FANCC: variants seen among roughly 807,000 people sequenced by gnomAD.
FANCC encodes the protein Fanconi anemia group C protein.
In FANCC, 55 loss-of-function variants were observed where a neutral mutation model predicts 71.3. The ratio of observed to expected loss-of-function variants is 0.77; its 90% CI spans 0.62 to 0.97. The LOEUF is 0.97. Ranked by LOEUF, FANCC falls within the 50% of genes least tolerant of loss-of-function variation. The pLI is 0.00. For synonymous variants in FANCC, 275 were observed against 244.9 expected (o/e 1.12, Z -1.15); for missense variants, 678 against 670.9 (o/e 1.01, Z -0.12).
chr9:95,257,355 T>C (rs1831727934), intron 1 of FANCC, among the ~76,000 whole-genome samples: 1 of 152,090 alleles, frequency 6.6e-6, no homozygotes, highest in South Asian at 2.1e-4. Flanking sequence ...TGCAATCAAA[T>C]TAGAACTCAG....
chr9:95,129,966 C>G (rs796139543), intron 8 of FANCC, among the ~76,000 whole-genome samples: 1 of 152,314 alleles, frequency 6.6e-6, no homozygotes, highest in African/African-American at 2.4e-5. Context: ...ATCTCCCCTC[C>G]ACCTAGAAAG....
At chr9:95,163,932 CTTAT>C (rs902037881) in intron 6 of FANCC, among the ~76,000 whole-genome samples, 3 of 152,202 alleles carry the variant, frequency 2.0e-5, no homozygotes, top group Admixed American at 6.5e-5. Flanking sequence ...TTATTTATGT[CTTAT>C]TTAATTTCTT....
chr9:95,141,215 G>C lies in FANCC; in HGVS notation c.687-5713C>G, dbSNP rs185270913. 2.5e-3 allele frequency among the ~76,000 whole-genome samples: 363 copies of C among 147,656 alleles called. 2 individuals carry two copies. Among genetic ancestry groups the C allele is most frequent in the Non-Finnish European group, 4.4e-3 (295 of 67,326 alleles). ...TAGTCCCAGCCACTCGGGAGGCTGA[G>C]GTCAAAGAATCACCTGAGCCTGGGA... On this transcript the variant is annotated intron_variant, in intron 7 of 14. Coordinates refer to ENST00000289081, the MANE Select transcript of FANCC (RefSeq NM_000136.3).
intron 8 of FANCC, among the ~76,000 whole-genome samples, chr9:95,128,146 C>G (rs558851193): frequency 5.3e-5 from 8 of 152,232 alleles, no homozygotes; most frequent in Admixed American, 4.6e-4. Context: ...CCCAGTCTCA[C>G]TGTAAATAAT....
At chr9:95,191,581 T>A (rs1440852397) in intron 4 of FANCC, among the ~76,000 whole-genome samples, 1 of 152,050 alleles carries the variant, frequency 6.6e-6, no homozygotes, top group East Asian at 1.9e-4. Context: ...TATATGCAAC[T>A]AGCTTGCCTG....
At chr9:95,224,337 A>G (rs1244706782) in intron 4 of FANCC, among the ~76,000 whole-genome samples, 1 of 152,138 alleles carries the variant, frequency 6.6e-6, no homozygotes, top group Non-Finnish European at 1.5e-5. Context: ...TCTAGGCCCA[A>G]CATGGTCTGC....
intron 4 of FANCC, among the ~76,000 whole-genome samples, chr9:95,192,664 T>C (rs1295049398): frequency 6.6e-6 from 1 of 152,232 alleles, no homozygotes; most frequent in Non-Finnish European, 1.5e-5. Flanking sequence ...ATTACTATTA[T>C]TGAAGCAACA....
At chr9:95,207,931 T>A (rs1828237399) in intron 4 of FANCC, among the ~76,000 whole-genome samples, 1 of 152,038 alleles carries the variant, frequency 6.6e-6, no homozygotes. Flanking sequence ...CAGACTAGAC[T>A]ACATTCAGGA....
Position 95,101,897 on chromosome 9 carries a change from A to G in FANCC, c.1534-47T>C, listed in dbSNP as rs1245206828. ...AGGCAAATTAAAACACTTTCCAGAC[A>G]GATTTGTCCTTTGTCCAGGGACGGA... On this transcript the variant is annotated intron_variant, in intron 14 of 14. Coordinates refer to ENST00000289081, the MANE Select transcript of FANCC (RefSeq NM_000136.3). The G allele has an allele frequency of 5.0e-6, 8 of 1,611,254 alleles. No individual in the cohort carries two copies. In the African/African-American group the frequency reaches 6.7e-5, roughly 13 times the overall value.
At chr9:95,232,744 G>A (rs1830084928) in intron 4 of FANCC, among the ~76,000 whole-genome samples, 1 of 152,158 alleles carries the variant, frequency 6.6e-6, no homozygotes, top group African/African-American at 2.4e-5. Flanking sequence ...ACTTGATCCA[G>A]GGTCCACACA....
rs1194395223 is a variant in FANCC at position 95,171,953 on chromosome 9, G to A, written c.456+84C>T. On this transcript the variant is annotated intron_variant, in intron 5 of 14. Transcript: ENST00000289081. ...GAAAAGTTAAACATCTCTTCTGGAG[G>A]ACTGAAATATTTCCATTTACTCTTT... The A allele has an allele frequency of 3.5e-6, 3 of 848,870 alleles. No homozygotes were observed. The African/African-American group carries it at 5.1e-5, about 14-fold the overall frequency. The allele number at this position is 848,870 out of a possible 1,614,324, so 52.6% of individuals were successfully genotyped here. A position where few individuals can be genotyped will look rare whatever the true frequency, so the allele number is the denominator to read the frequency against.
chr9:95,149,604 T>TA (rs746224650), intron 7 of FANCC, among the ~76,000 whole-genome samples: 5 of 151,624 alleles, frequency 3.3e-5, no homozygotes, highest in Non-Finnish European at 5.9e-5. Flanking sequence ...TCAGCCCCCC[T>TA]AGTAGCTGGG....
At chr9:95,230,529 TA>T (rs1479132066) in intron 4 of FANCC, among the ~76,000 whole-genome samples, 2 of 152,166 alleles carry the variant, frequency 1.3e-5, no homozygotes, top group Non-Finnish European at 2.9e-5. Context: ...TTACAGTTCT[TA>T]AAGATGGTGT....
At chr9:95,135,889 G>A (rs952335735) in intron 7 of FANCC, among the ~76,000 whole-genome samples, 4 of 152,150 alleles carry the variant, frequency 2.6e-5, no homozygotes, top group Admixed American at 1.3e-4. Flanking sequence ...ATAGGGATGC[G>A]GACCTGGGTT....
At chr9:95,161,927 C>T (rs539336178) in intron 6 of FANCC, among the ~76,000 whole-genome samples, 18 of 151,872 alleles carry the variant, frequency 1.2e-4, no homozygotes, top group Admixed American at 9.2e-4. Flanking sequence ...CTGCAACCTC[C>T]GCTTCCCAGG....
chr9:95,255,026 G>A (rs974831307), intron 1 of FANCC, among the ~76,000 whole-genome samples: 5 of 152,150 alleles, frequency 3.3e-5, no homozygotes, highest in Non-Finnish European at 7.4e-5. Context: ...TCTGGGCTGG[G>A]CATCTCTGAA....
At chr9:95,310,154 G>A (rs1407780024) in intron 1 of FANCC, among the ~76,000 whole-genome samples, 1 of 152,056 alleles carries the variant, frequency 6.6e-6, no homozygotes, top group Non-Finnish European at 1.5e-5. Flanking sequence ...CTTGAGGCTG[G>A]GAGTTCAAGA....
chr9:95,106,969 A>G, intron 14 of FANCC, 97 bp downstream of exon 14: 2 of 1,187,996 alleles, frequency 1.7e-6, no homozygotes, highest in Admixed American at 1.9e-5. Flanking sequence ...GCATCCTGGT[A>G]CACACACTGT....
At chr9:95,223,914 T>G (rs1044862411) in intron 4 of FANCC, among the ~76,000 whole-genome samples, 2 of 152,050 alleles carry the variant, frequency 1.3e-5, no homozygotes, top group African/African-American at 4.8e-5. Flanking sequence ...GAGGCAGAAG[T>G]GGTGGTGAGC....
Sources: gnomAD v4.1 joint callset for allele counts (sites outside exome capture counted in the v4.1 genomes callset) on GRCh38, gnomAD v4.1.1 for gene constraint, MANE v1.5 for transcripts, NCBI Gene and HGNC (gene_info 2026-07-23, HGNC 2026-07-21) for gene names.